The following DCAF1 variants were observed in gnomAD, a reference collection of about 807,000 sequenced individuals.
DCAF1 encodes the protein DDB1- and CUL4-associated factor 1.
A neutral mutation model predicts 128.0 loss-of-function variants in DCAF1; 15 were observed. That is an observed-to-expected ratio of 0.12 (90% confidence interval 0.08 to 0.18). DCAF1 has a LOEUF of 0.18. Ranked by LOEUF, DCAF1 falls within the 10% of genes least tolerant of loss-of-function variation. DCAF1 has a pLI of 1.00. For synonymous variants in DCAF1, 610 were observed against 603.0 expected (o/e 1.01, Z -0.17); for missense variants, 988 against 1,649.5 (o/e 0.60, Z 6.95).
At chr3:51,439,924 G>C (rs144417680) in intron 9 of DCAF1, among the ~76,000 whole-genome samples, 1 of 151,988 alleles carries the variant, frequency 6.6e-6, no homozygotes, top group Non-Finnish European at 1.5e-5. Flanking sequence ...CCCAGGAAGC[G>C]GAGGTTCCAG....
downstream of DCAF1, chr3:51,396,179 T>TCTAC: frequency 2.7e-6 from 1 of 377,016 alleles, no homozygotes; most frequent in East Asian, 4.0e-5. Flanking sequence ...GGAAGAATCA[T>TCTAC]CTACCTCCCA....
At chr3:51,434,156 C>T (rs1051737617) in intron 9 of DCAF1, among the ~76,000 whole-genome samples, 19 of 151,916 alleles carry the variant, frequency 1.3e-4, no homozygotes, top group Non-Finnish European at 2.1e-4. Flanking sequence ...AATTCTAGTA[C>T]TTTGAGAGGC....
At chr3:51,500,856 C>A (rs1708769988), upstream of DCAF1, among the ~76,000 whole-genome samples, 1 of 146,586 alleles carries the variant, frequency 6.8e-6, no homozygotes, top group Non-Finnish European at 1.5e-5. Flanking sequence ...CTGTCATCCA[C>A]GCTGGAGTGC....
intron 12 of DCAF1, among the ~76,000 whole-genome samples, chr3:51,427,949 C>T (rs1414857270): frequency 6.6e-6 from 1 of 152,096 alleles, no homozygotes; most frequent in Non-Finnish European, 1.5e-5. Context: ...CAGGCATGAG[C>T]CACCATGCTT....
intron 2 of DCAF1, among the ~76,000 whole-genome samples, chr3:51,489,579 G>C (rs1553656947): frequency 6.6e-6 from 1 of 152,060 alleles, no homozygotes; most frequent in East Asian, 1.9e-4. Flanking sequence ...AAGAGGTCAG[G>C]AGTTCGAGAT....
chr3:51,471,065 A>T (rs980641749), intron 3 of DCAF1, 60 bp from the exon 4 acceptor site: 8 of 1,051,602 alleles, frequency 7.6e-6, no homozygotes, highest in Middle Eastern at 2.1e-4. Flanking sequence ...GACCACCACT[A>T]CAACAGTCAA....
intron 4 of DCAF1, 75 bp downstream of exon 4, chr3:51,470,854 A>T: frequency 1.8e-6 from 2 of 1,134,320 alleles, no homozygotes; most frequent in Non-Finnish European, 2.4e-6. Context: ...TAGAAAAGAA[A>T]AAAAAGACCC....
intron 23 of DCAF1, among the ~76,000 whole-genome samples, chr3:51,409,883 A>G (rs1040935675): frequency 3.3e-5 from 5 of 152,208 alleles, no homozygotes; most frequent in African/African-American, 2.4e-5. Context: ...ACCCAGAAAG[A>G]CTAGAAACAT....
intron 23 of DCAF1, among the ~76,000 whole-genome samples, chr3:51,408,724 C>T (rs1048932954): frequency 7.2e-5 from 11 of 152,310 alleles, no homozygotes; most frequent in South Asian, 4.1e-4. Context: ...CAAATAGATA[C>T]GGTATTATCC....
chr3:51,430,229 A>G lies in DCAF1; in HGVS notation c.1288-17T>C, dbSNP rs1474653919. The G allele has an allele frequency of 1.3e-6, 1 of 770,316 alleles. No homozygotes were observed. Among genetic ancestry groups the G allele is most frequent in the Non-Finnish European group, 2.4e-6 (1 of 411,156 alleles). 47.7% of individuals were successfully genotyped at this position (770,316 alleles called of 1,614,324 possible). A position where few individuals can be genotyped will look rare whatever the true frequency, so the allele number is the denominator to read the frequency against. ...CATGCAAACCTGCAAAAAAATACAA[A>G]TAAAACAATGCTTTTAAATTGTGGG... On this transcript the variant is annotated splice_polypyrimidine_tract_variant and intron_variant, in intron 10 of 24. Transcript: ENST00000684031.
At chr3:51,403,565 A>C (rs932326109) in intron 23 of DCAF1, among the ~76,000 whole-genome samples, 170 bp from the exon 24 acceptor site, 11 of 152,216 alleles carry the variant, frequency 7.2e-5, no homozygotes, top group Non-Finnish European at 1.6e-4. Flanking sequence ...GATGGCTGAG[A>C]TAGGCACACA....
At chr3:51,503,298 C>T (rs1431743284), upstream of DCAF1, among the ~76,000 whole-genome samples, 21 of 152,190 alleles carry the variant, frequency 1.4e-4, no homozygotes, top group Non-Finnish European at 1.5e-5. Flanking sequence ...TCTACCTACT[C>T]CCACCTCCAA....
At position 51,441,062 on chromosome 3, in the gene DCAF1, T is replaced by C. The variant is rs1553638505; in HGVS notation, c.1036A>G (p.Ile346Val). 1.2e-6 allele frequency: 2 copies of C among 1,610,542 alleles called. No homozygotes were observed. The highest frequency in any genetic ancestry group is 1.7e-4 in the Middle Eastern group (1 of 6,056). Residue 346 changes from isoleucine to valine, a missense_variant, in exon 9 of 25, where the codon ATA becomes GTA. By Grantham distance (29) the Ile-to-Val change is conservative. Transcript: ENST00000684031. ...PLGEYQELLP[I>V]FMQLGSRELM... ...TCCCGTGATCCAAGTTGCATGAATA[T>C]GGGAAGTAGCTGAAATGAACACCAA... is the stretch of plus-strand genomic sequence containing the variant.
intron 6 of DCAF1, among the ~76,000 whole-genome samples, chr3:51,457,030 T>C (rs535914202): frequency 1.2e-4 from 18 of 152,252 alleles, no homozygotes; most frequent in African/African-American, 3.6e-4. Context: ...AGGAACACAG[T>C]TCCTCACCAG....
intron 2 of DCAF1, among the ~76,000 whole-genome samples, chr3:51,488,455 A>G (rs1357563357): frequency 6.6e-6 from 1 of 152,082 alleles, no homozygotes; most frequent in Non-Finnish European, 1.5e-5. Flanking sequence ...AGGCGGGTGG[A>G]TCATGAGGTC....
intron 12 of DCAF1, 98 bp downstream of exon 12, chr3:51,429,163 C>T (rs1700161371): frequency 1.2e-5 from 8 of 688,316 alleles, no homozygotes; most frequent in Non-Finnish European, 2.2e-5. Flanking sequence ...CAACAATGGA[C>T]ATAGCACAGA....
At chr3:51,498,221 G>A (rs994693309) in intron 1 of DCAF1, among the ~76,000 whole-genome samples, 5 of 150,900 alleles carry the variant, frequency 3.3e-5, no homozygotes, top group African/African-American at 4.9e-5. Context: ...TTATCCGGGC[G>A]TGGTGGCGCG....
rs782538657 is a variant in DCAF1 at position 51,430,020 on chromosome 3, G to C, written c.1467+13C>G. Reference sequence around the variant, plus strand: ...CCTCAATCCTAGGGAGAAAAGCACTGAAAGAACCTCACCAAGTTCACCAGA... The same window carrying C: ...CCTCAATCCTAGGGAGAAAAGCACTCAAAGAACCTCACCAAGTTCACCAGA... On this transcript the variant is annotated intron_variant, in intron 11 of 24. Coordinates refer to ENST00000684031, the MANE Select transcript of DCAF1 (RefSeq NM_001387579.1). The C allele has an allele frequency of 1.3e-6, 1 of 780,166 alleles. No homozygotes were observed. Among genetic ancestry groups the C allele is most frequent in the Admixed American group, 1.7e-5 (1 of 58,956 alleles). 48.3% of individuals were successfully genotyped at this position (780,166 alleles called of 1,614,324 possible).
chr3:51,497,068 G>A (rs575432642), intron 1 of DCAF1, among the ~76,000 whole-genome samples: 4 of 152,038 alleles, frequency 2.6e-5, no homozygotes, highest in African/African-American at 9.6e-5. Context: ...ACTGAAGTGG[G>A]TGGATTACTT....
Sources: allele counts gnomAD v4.1 joint callset (sites outside exome capture counted in the v4.1 genomes callset), GRCh38; gene constraint gnomAD v4.1.1; transcripts MANE v1.5; gene names NCBI Gene and HGNC (gene_info 2026-07-23, HGNC 2026-07-21).